Variants in MYOC observed in about 807,000 individuals in gnomAD.
MYOC encodes juvenile-onset open-angle glaucoma 1.
A neutral mutation model predicts 28.2 loss-of-function variants in MYOC; 29 were observed. The ratio of observed to expected loss-of-function variants is 1.03; its 90% confidence interval spans 0.77 to 1.40. MYOC has a LOEUF of 1.40. Ranked by LOEUF, MYOC falls within the 40% of genes most tolerant of loss-of-function variation. The probability of loss-of-function intolerance (pLI) is 0.00; values close to 1 mark genes in which losing one functional copy is unlikely to be tolerated. For missense variants in MYOC, 569 were observed against 620.6 expected (o/e 0.92, Z 0.88); for synonymous variants, 240 against 245.6 (o/e 0.98, Z 0.21).
intron 1 of MYOC, among the ~76,000 whole-genome samples, chr1:171,644,386 G>A (rs192271812): frequency 2.6e-5 from 4 of 151,788 alleles, no homozygotes; most frequent in East Asian, 1.9e-4. Flanking sequence ...ACAACTTACC[G>A]AGAAAAGATG....
Position 171,652,143 on chromosome 1 carries a change from T to C in MYOC, c.469A>G (p.Lys157Glu). 3 of 1,614,152 alleles carry C rather than the reference T, an allele frequency of 1.9e-6. No homozygotes were observed. Among genetic ancestry groups the C allele is most frequent in the Middle Eastern group, 3.3e-4 (2 of 6,062 alleles). Reference protein sequence around the residue: ...RDKSVLEEEKKRLRQENENLA... With the variant: ...RDKSVLEEEKERLRQENENLA... ...TTCTCATTTTCTTGCCTTAGTCGCT[T>C]CTTCTCTTCCTCCAGAACTGACTTG... The change falls in exon 1 of 3, where the codon AAG becomes GAG. Residue 157 changes from lysine (K) to glutamate (E), a missense_variant. Lys to Glu is a moderately conservative substitution (Grantham distance 56). Transcript: ENST00000037502.
At position 171,636,028 on chromosome 1, in the gene MYOC, T is replaced by C. The variant is rs554235897; in HGVS notation, c.1412A>G (p.Tyr471Cys). 7.4e-6 allele frequency: 12 copies of C among 1,614,218 alleles called. No individual in the cohort carries two copies. In the East Asian group the frequency reaches 1.3e-4, roughly 18 times the overall value. The change falls in exon 3 of 3, where the codon TAT becomes TGT. Residue 471 changes from tyrosine (Y) to cysteine (C), a missense_variant. Transcript: ENST00000037502. ...KTLTIPFKNRYKYSSMIDYNP... is the reference protein window; with the variant it reads ...KTLTIPFKNRCKYSSMIDYNP... ...GTAGTCAATCATGCTGCTGTACTTA[T>C]AGCGGTTCTTGAATGGGATGGTCAG...
At position 171,636,584 on chromosome 1, in the gene MYOC, A is replaced by G. The variant is rs1351328951; in HGVS notation, c.856T>C (p.Trp286Arg). The change falls in exon 3 of 3, where the codon TGG becomes CGG. Residue 286 changes from tryptophan to arginine, a missense_variant. Physicochemically the swap from Trp to Arg is moderately radical, Grantham distance 101. Coordinates refer to ENST00000037502, the MANE Select transcript of MYOC (RefSeq NM_000261.2). ...PTYPYTQETT[W>R]RIDTVGTDVR... ...TCCGTGCCAACTGTGTCGATTCTCC[A>G]CGTGGTCTCCTGGGTGTAGGGGTAG... 15 of 1,611,596 alleles carry G rather than the reference A, an allele frequency of 9.3e-6. No individual in the cohort carries two copies. Among genetic ancestry groups the G allele is most frequent in the Admixed American group, 3.3e-5 (2 of 59,872 alleles).
At position 171,652,276 on chromosome 1, in the gene MYOC, C is replaced by A; in HGVS notation, c.336G>T (p.Glu112Asp). 6.2e-7 allele frequency: 1 copy of A among 1,613,382 alleles called. No individual in the cohort carries two copies. The highest frequency in any genetic ancestry group is 1.1e-5 in the South Asian group (1 of 91,042). The change falls in exon 1 of 3, where the codon GAG becomes GAT. Residue 112 changes from glutamate (E) to aspartate (D), a missense_variant. Coordinates refer to ENST00000037502, the MANE Select transcript of MYOC (RefSeq NM_000261.2). ...LTLDQAARPQ[E>D]TQEGLQRELG... The stretch of plus-strand genomic sequence containing the variant: ...GCTCCCTCTGCAGCCCCTCCTGGGT[C>A]TCCTGGGGCCTGGCAGCCTGGTCCA...
chr1:171,648,183 C>T lies in MYOC; in HGVS notation c.604+3825G>A, dbSNP rs572675630. Among the ~76,000 whole-genome samples, 447 of 77,354 alleles carry T rather than the reference C, an allele frequency of 5.8e-3. 1 individual carries two copies. The highest frequency in any genetic ancestry group is 0.027 in the African/African-American group (432 of 15,808). 50.7% of individuals were successfully genotyped at this position (77,354 alleles called of 152,430 possible). A position where few individuals can be genotyped will look rare whatever the true frequency, so the allele number is the denominator to read the frequency against. Reference sequence around the variant, plus strand: ...CAGCCTGGGGGACAGAGAAAGACTCCATCTTAAAAAAAAAAAAAAAATCAG... The same window carrying T: ...CAGCCTGGGGGACAGAGAAAGACTCTATCTTAAAAAAAAAAAAAAAATCAG... On this transcript the variant is annotated intron_variant, in intron 1 of 2. Transcript: ENST00000037502.
rs1572210978 is a variant in MYOC at position 171,636,657 on chromosome 1, T to C, written c.783A>G (p.Glu261=). ...ACACACCATACTTGCCAGTAATTGT[T>C]TCTGCTGTTCTCAGCGTGAGAGGCT... ...VGEPLTLRTA[E]TITGKYGVWM... Residue 261 remains glutamate, a synonymous_variant, in exon 3 of 3, where the codon GAA becomes GAG. Transcript: ENST00000037502. 1 of 1,609,060 alleles carries C rather than the reference T, an allele frequency of 6.2e-7. No individual in the cohort carries two copies. Among genetic ancestry groups the C allele is most frequent in the African/African-American group, 1.3e-5 (1 of 75,054 alleles).
chr1:171,647,415 T>C (rs1258582210), intron 1 of MYOC, among the ~76,000 whole-genome samples: 1 of 152,098 alleles, frequency 6.6e-6, no homozygotes, highest in East Asian at 1.9e-4. Flanking sequence ...TCCCAGCTAC[T>C]TGGGAGGCTG....
At chr1:171,639,185 G>C (rs1010065176) in intron 1 of MYOC, among the ~76,000 whole-genome samples, 3 of 152,200 alleles carry the variant, frequency 2.0e-5, no homozygotes, top group Non-Finnish European at 2.9e-5. Context: ...TTGGGGGTCA[G>C]AGAAGGGAAG....
At position 171,652,386 on chromosome 1, in the gene MYOC, T is replaced by C; in HGVS notation, c.226A>G (p.Arg76Gly). The change falls in exon 1 of 3, where the codon AGA (arginine) becomes GGA (glycine). Residue 76 changes from arginine (R) to glycine (G), a missense_variant. By Grantham distance (125) the Arg-to-Gly change is moderately radical. Transcript: ENST00000037502. ...TCTAAGCGTTGGGTGCTGCTGTCTC[T>C]CTGTAAGTTATGGATGACTGACATG... The part of the protein sequence containing the change: ...QAMSVIHNLQ[R>G]DSSTQRLDLE... 1 of 1,613,582 alleles carries C rather than the reference T, an allele frequency of 6.2e-7. No homozygotes were observed. The highest frequency in any genetic ancestry group is 1.1e-5 in the South Asian group (1 of 91,078).
rs114622658 is a variant in MYOC at position 171,647,136 on chromosome 1, A to G, written c.604+4872T>C. Among the ~76,000 whole-genome samples the G allele has an allele frequency of 3.5e-3, 532 of 152,386 alleles. 6 individuals carry two copies. The highest frequency in any genetic ancestry group is 0.012 in the African/African-American group (509 of 41,598). ...TAGCTAATAGACTATTGTCCTGAGTACTGCTCTAACTTGTACTGTCTCTAG... is the reference window on the plus strand; with the variant it reads ...TAGCTAATAGACTATTGTCCTGAGTGCTGCTCTAACTTGTACTGTCTCTAG... On this transcript the variant is annotated intron_variant, in intron 1 of 2. Coordinates refer to ENST00000037502, the MANE Select transcript of MYOC (RefSeq NM_000261.2).
intron 1 of MYOC, among the ~76,000 whole-genome samples, chr1:171,644,098 T>C (rs1161524591): frequency 6.6e-6 from 1 of 151,402 alleles, no homozygotes; most frequent in African/African-American, 2.4e-5. Flanking sequence ...AGCTATGCCA[T>C]CCACAGTTGC....
chr1:171,636,621 G>A lies in MYOC; in HGVS notation c.819C>T (p.Asp273=). Residue 273 remains aspartate, a synonymous_variant, in exon 3 of 3, where the codon GAC becomes GAT. Coordinates refer to ENST00000037502, the MANE Select transcript of MYOC (RefSeq NM_000261.2). ...ITGKYGVWMR[D]PKPTYPYTQE... is the part of the protein sequence containing the mutation. ...GGGTGTAGGGGTAGGTGGGCTTGGGGTCTCGCATCCACACACCATACTTGC... is the reference window on the plus strand; with the variant it reads ...GGGTGTAGGGGTAGGTGGGCTTGGGATCTCGCATCCACACACCATACTTGC... The A allele has an allele frequency of 6.2e-7, 1 of 1,612,446 alleles. No individual in the cohort carries two copies. The highest frequency in any genetic ancestry group is 1.1e-5 in the South Asian group (1 of 91,044).
chr1:171,647,036 A>G (rs551536421), intron 1 of MYOC, among the ~76,000 whole-genome samples: 2 of 152,344 alleles, frequency 1.3e-5, no homozygotes, highest in East Asian at 3.9e-4. Flanking sequence ...TATTACATAA[A>G]TGAAAGGAAT....
At chr1:171,645,220 G>A (rs761011569) in intron 1 of MYOC, among the ~76,000 whole-genome samples, 23 of 152,160 alleles carry the variant, frequency 1.5e-4, no homozygotes, top group Non-Finnish European at 2.6e-4. Context: ...GACCCAGAGC[G>A]AAGTTCTTCT....
At position 171,638,608 on chromosome 1, in the gene MYOC, T is replaced by C; in HGVS notation, c.719A>G (p.Glu240Gly). The C allele has an allele frequency of 3.7e-6, 6 of 1,614,146 alleles. No homozygotes were observed. The highest frequency in any genetic ancestry group is 5.1e-6 in the Non-Finnish European group (6 of 1,180,006). Residue 240 changes from glutamate to glycine, a missense_variant, in exon 2 of 3, where the codon GAG becomes GGG. By Grantham distance (98) the Glu-to-Gly change is moderately conservative (BLOSUM62 -2). Coordinates refer to ENST00000037502, the MANE Select transcript of MYOC (RefSeq NM_000261.2). The part of the protein sequence containing the change: ...ESPSGYLRSG[E>G]GDTGCGELVW... ...ACTTAACTTCATACCGGTGTCTCCC[T>C]CTCCACTCCTGAGATAGCCAGATGG...
chr1:171,641,503 T>C (rs1045934513), intron 1 of MYOC, among the ~76,000 whole-genome samples: 1 of 152,212 alleles, frequency 6.6e-6, no homozygotes, highest in South Asian at 2.1e-4. Flanking sequence ...GACAGTGGCC[T>C]TGAGTTTGAG....
At position 171,652,381 on chromosome 1, in the gene MYOC, G is replaced by C; in HGVS notation, c.231C>G (p.Asp77Glu). Residue 77 changes from aspartate to glutamate, a missense_variant, in exon 1 of 3, where the codon GAC becomes GAG. By Grantham distance (45) the Asp-to-Glu change is conservative. Transcript: ENST00000037502. ...CCAGGTCTAAGCGTTGGGTGCTGCT[G>C]TCTCTCTGTAAGTTATGGATGACTG... The part of the protein sequence containing the change: ...AMSVIHNLQR[D>E]SSTQRLDLEA... The C allele has an allele frequency of 2.5e-6, 4 of 1,613,088 alleles. No homozygotes were observed. Among genetic ancestry groups the C allele is most frequent in the Non-Finnish European group, 3.4e-6 (4 of 1,179,074 alleles).
chr1:171,647,948 G>A (rs1653241825), intron 1 of MYOC, among the ~76,000 whole-genome samples: 1 of 152,022 alleles, frequency 6.6e-6, no homozygotes, highest in Non-Finnish European at 1.5e-5. Context: ...GGGAGGTCAA[G>A]ATGGGTGGAT....
chr1:171,635,793 T>A lies in MYOC; in HGVS notation c.*132A>T, dbSNP rs1264570314. The A allele has an allele frequency of 1.1e-6, 1 of 874,560 alleles. No individual in the cohort carries two copies. Among genetic ancestry groups the A allele is most frequent in the Non-Finnish European group, 1.8e-6 (1 of 543,972 alleles). The allele number at this position is 874,560 out of a possible 1,614,324, so 54.2% of individuals were successfully genotyped here. On this transcript the variant is annotated 3_prime_UTR_variant, in exon 3 of 3. Transcript: ENST00000037502. ...GTTAGATGGTGACCATGTTCATCCT[T>A]CTGGATTAATGAAAACTTGGAAAGC...
Sources: gnomAD v4.1 joint callset for allele counts (sites outside exome capture counted in the v4.1 genomes callset) on GRCh38, gnomAD v4.1.1 for gene constraint, MANE v1.5 for transcripts, NCBI Gene and HGNC (gene_info 2026-07-23, HGNC 2026-07-21) for gene names.